CDC73: variants seen among roughly 807,000 people sequenced by gnomAD.
CDC73 encodes the protein parafibromin.
In CDC73, 21 loss-of-function variants were observed where a neutral mutation model predicts 83.7. The observed-to-expected ratio is 0.25, with a 90% CI of 0.18 to 0.36. CDC73 has a LOEUF of 0.36. Among genes scored for constraint, CDC73 ranks in the 10% least tolerant of loss-of-function variants. The pLI, the probability that CDC73 is intolerant of heterozygous loss-of-function variation, is 1.00. For missense variants in CDC73, 342 were observed against 653.3 expected (o/e 0.52, Z 5.19); for synonymous variants, 224 against 212.9 (o/e 1.05, Z -0.45).
chr1:193,223,116 C>T (rs1677500938), intron 13 of CDC73, among the ~76,000 whole-genome samples: 3 of 151,964 alleles, frequency 2.0e-5, no homozygotes, highest in Admixed American at 1.3e-4. Context: ...GTTTTATTTT[C>T]TAAGCCTTGG....
At position 193,180,173 on chromosome 1, in the gene CDC73, T is replaced by A. The variant is rs1167184667; in HGVS notation, c.973-23622T>A. On this transcript the variant is annotated intron_variant, in intron 10 of 16. Coordinates refer to ENST00000367435, the MANE Select transcript of CDC73 (RefSeq NM_024529.5). ...CTTCTTCAGAAATTAAAAAAATACT[T>A]CTTGAATTTCTTTATGTGATGAGTT... is the stretch of plus-strand genomic sequence containing the variant. The A allele has an allele frequency of 4.8e-6, 4 of 835,304 alleles. No individual in the cohort carries two copies. The Admixed American group carries it at 1.4e-4, about 29-fold the overall frequency. 51.7% of individuals were successfully genotyped at this position (835,304 alleles called of 1,614,324 possible).
intron 8 of CDC73, 148 bp from the exon 9 acceptor site, chr1:193,150,156 A>G: frequency 1.5e-6 from 1 of 654,764 alleles, no homozygotes; most frequent in Non-Finnish European, 2.8e-6. Flanking sequence ...CTGTGGTCCC[A>G]GCTACTTGGA....
intron 3 of CDC73, among the ~76,000 whole-genome samples, chr1:193,132,405 A>C (rs1402173667): frequency 1.3e-5 from 2 of 152,218 alleles, no homozygotes; most frequent in African/African-American, 2.4e-5. Context: ...GATACACAAA[A>C]GTTTAGAACC....
In CDC73 at chr1:193,207,757, CAT is replaced by C. The variant is rs543220451; in HGVS notation, c.1030+3906_1030+3907del. On this transcript the variant is annotated intron_variant, in intron 11 of 16. Coordinates refer to ENST00000367435, the MANE Select transcript of CDC73 (RefSeq NM_024529.5). ...ACTGATTTCATATTGTTCAAACACA[CAT>C]GTTTTACAATCAATTTGTACAATAG... 9.5e-3 allele frequency among the ~76,000 whole-genome samples: 1,449 copies of C among 152,298 alleles called. 15 individuals carry two copies. The highest frequency in any genetic ancestry group is 0.034 in the South Asian group (165 of 4,824).
At chr1:193,208,396 A>G (rs553794207) in intron 11 of CDC73, among the ~76,000 whole-genome samples, 1 of 152,350 alleles carries the variant, frequency 6.6e-6, no homozygotes, top group Non-Finnish European at 1.5e-5. Context: ...AAATAGTGTC[A>G]TAGCATCTGA....
intron 9 of CDC73, 36 bp downstream of exon 9, chr1:193,150,418 G>A (rs1676085200): frequency 7.0e-7 from 1 of 1,438,300 alleles, no homozygotes; most frequent in Non-Finnish European, 9.8e-7. Context: ...CCTTAGTGTG[G>A]TTGTGTTGAA....
In CDC73 at chr1:193,252,124, G is replaced by T. The variant is rs766239532; in HGVS notation, c.*1412G>T. 8.7e-6 allele frequency: 2 copies of T among 230,866 alleles called. No homozygotes were observed. Among genetic ancestry groups the T allele is most frequent in the African/African-American group, 2.2e-5 (1 of 45,202 alleles). 14.3% of individuals were successfully genotyped at this position (230,866 alleles called of 1,614,324 possible). On this transcript the variant is annotated 3_prime_UTR_variant, in exon 17 of 17. Coordinates refer to ENST00000367435, the MANE Select transcript of CDC73 (RefSeq NM_024529.5). ...GTTCATACCACTAGTAACTAGAAAAGATATTTATTCACATGATATTTACAA... is the reference window on the plus strand; with the variant it reads ...GTTCATACCACTAGTAACTAGAAAATATATTTATTCACATGATATTTACAA...
intron 15 of CDC73, chr1:193,236,908 G>C (rs971727575): frequency 4.6e-5 from 7 of 150,598 alleles, no homozygotes; most frequent in Non-Finnish European, 1.0e-4. Context: ...AATTAATACT[G>C]TTGCATGTCC....
In CDC73 at chr1:193,125,099, T is replaced by TTA. The variant is rs548650427; in HGVS notation, c.132-12_132-11dup. The TTA allele has an allele frequency of 3.4e-4, 464 of 1,384,254 alleles. 2 individuals are homozygous for TTA. The African/African-American group carries it at 6.1e-3, about 18-fold the overall frequency. 85.7% of individuals were successfully genotyped at this position (1,384,254 alleles called of 1,614,324 possible). A position where few individuals can be genotyped will look rare whatever the true frequency, so the allele number is the denominator to read the frequency against. On this transcript the variant is annotated splice_polypyrimidine_tract_variant and intron_variant, in intron 1 of 16. Transcript: ENST00000367435. Reference sequence around the variant, plus strand: ...AATTGTCAGTAAAAAAAATCTTGCCTTAATTATTTCAGGACTGGAAAGGAA... The same window carrying TTA: ...AATTGTCAGTAAAAAAAATCTTGCCTTATAATTATTTCAGGACTGGAAAGGAA...
At chr1:193,146,292 G>T (rs1163387085) in intron 7 of CDC73, among the ~76,000 whole-genome samples, 1 of 152,124 alleles carries the variant, frequency 6.6e-6, no homozygotes, top group Admixed American at 6.6e-5. Flanking sequence ...GACATTAGGG[G>T]TAAAACCAAG....
At chr1:193,147,778 G>C (rs374793294) in intron 7 of CDC73, 89 bp from the exon 8 acceptor site, 13 of 782,902 alleles carry the variant, frequency 1.7e-5, no homozygotes, top group Middle Eastern at 2.7e-4. Context: ...GGGAAGAATC[G>C]ATAGTAAGAT....
At chr1:193,199,522 G>A (rs1558308190) in intron 10 of CDC73, among the ~76,000 whole-genome samples, 2 of 151,950 alleles carry the variant, frequency 1.3e-5, no homozygotes, top group Admixed American at 6.6e-5. Context: ...GACCAGCCTG[G>A]CCAACATGGT....
At chr1:193,139,720 A>C (rs575467784) in intron 6 of CDC73, among the ~76,000 whole-genome samples, 1 of 152,276 alleles carries the variant, frequency 6.6e-6, no homozygotes, top group East Asian at 1.9e-4. Context: ...GACACAGTTA[A>C]ATCCCTTGGA....
intron 10 of CDC73, among the ~76,000 whole-genome samples, chr1:193,153,749 A>G (rs1676160643): frequency 6.6e-6 from 1 of 152,120 alleles, no homozygotes; most frequent in Non-Finnish European, 1.5e-5. Flanking sequence ...TAATGAATTC[A>G]TTCAACAAGT....
In CDC73 at chr1:193,162,057, C is replaced by T. The variant is rs193088070; in HGVS notation, c.972+9613C>T. Among the ~76,000 whole-genome samples, 4 of 5,002 alleles carry T rather than the reference C, an allele frequency of 8.0e-4. 1 individual carries two copies. The highest frequency in any genetic ancestry group is 8.5e-3 in the Admixed American group (2 of 236). The allele number at this position is 5,002 out of a possible 152,430, so 3.3% of individuals were successfully genotyped here. ...ATATTATATTGTATATAATATATAT[C>T]ATATTATATTGTATATAATATATAT... On this transcript the variant is annotated intron_variant, in intron 10 of 16. Coordinates refer to ENST00000367435, the MANE Select transcript of CDC73 (RefSeq NM_024529.5).
chr1:193,188,957 T>C (rs1572186604), intron 10 of CDC73, among the ~76,000 whole-genome samples: 1 of 147,918 alleles, frequency 6.8e-6, no homozygotes, highest in East Asian at 1.9e-4. Context: ...GTCTGTCTGT[T>C]TTTTTTTTTT....
At chr1:193,197,000 A>G (rs186708497) in intron 10 of CDC73, among the ~76,000 whole-genome samples, 14 of 152,268 alleles carry the variant, frequency 9.2e-5, no homozygotes, top group African/African-American at 3.4e-4. Flanking sequence ...GAAAGTGGGC[A>G]TCCTTGTCTT....
At chr1:193,176,635 G>A (rs1676607130) in intron 10 of CDC73, among the ~76,000 whole-genome samples, 1 of 152,164 alleles carries the variant, frequency 6.6e-6, no homozygotes, top group Non-Finnish European at 1.5e-5. Context: ...TCTTGGAGAT[G>A]CCTTAGAAAT....
At chr1:193,150,624 T>C (rs1676088177) in intron 9 of CDC73, among the ~76,000 whole-genome samples, 1 of 152,242 alleles carries the variant, frequency 6.6e-6, no homozygotes, top group African/African-American at 2.4e-5. Flanking sequence ...AGAGACTGTG[T>C]AGCCTACAAA....
Sources: gnomAD v4.1 joint callset for allele counts (sites outside exome capture counted in the v4.1 genomes callset) on GRCh38, gnomAD v4.1.1 for gene constraint, MANE v1.5 for transcripts, NCBI Gene and HGNC (gene_info 2026-07-23, HGNC 2026-07-21) for gene names.